Variants in GMDS observed in about 807,000 individuals in gnomAD.
GMDS encodes GDP-mannose 4,6-dehydratase.
Under a neutral mutation model 49.9 loss-of-function variants are expected in GMDS, and 20 were observed. That is an observed-to-expected ratio of 0.40 (90% CI 0.28 to 0.58). The LOEUF is 0.58. Ranked by LOEUF, GMDS falls within the 20% of genes least tolerant of loss-of-function variation. The probability of loss-of-function intolerance (pLI) is 0.42; values close to 1 mark genes in which losing one functional copy is unlikely to be tolerated. For missense variants in GMDS, 362 were observed against 481.4 expected, an observed-to-expected ratio of 0.75 and a Z score of 2.32; for synonymous variants, 177 against 178.6, an observed-to-expected ratio of 0.99 and a Z score of 0.07.
At chr6:1,695,783 A>C (rs7755553) in intron 9 of GMDS, among the ~76,000 whole-genome samples, 99,296 of 151,964 alleles carry the variant, frequency 0.65, 35,231 homozygotes, top group Middle Eastern at 0.82. Context: ...TTCCAGGCTC[A>C]AACTTAAGAG....
At chr6:1,892,817 T>A (rs1221137799) in intron 7 of GMDS, among the ~76,000 whole-genome samples, 1 of 152,218 alleles carries the variant, frequency 6.6e-6, no homozygotes, top group Non-Finnish European at 1.5e-5. Context: ...GAACAGCCAA[T>A]GCCTTGGCCT....
rs921836640 is a variant in GMDS, at chr6:2,047,300, C to T, written c.345+68471G>A. Among the ~76,000 whole-genome samples the T allele has an allele frequency of 3.3e-5, 5 of 152,118 alleles. No homozygotes were observed. The East Asian group carries it at 7.7e-4, about 23-fold the overall frequency. On this transcript the variant is annotated intron_variant, in intron 4 of 10. Transcript: ENST00000380815. ...GTGAGCACACAACTCTGGCAATATC[C>T]TTGTGAAGTGGATTCACCAATGTAA...
intron 7 of GMDS, among the ~76,000 whole-genome samples, chr6:1,853,093 C>G (rs181264341): frequency 6.6e-6 from 1 of 152,214 alleles, no homozygotes; most frequent in African/African-American, 2.4e-5. Context: ...GCAGGCAGGA[C>G]TTGCTAGGAG....
At chr6:2,190,180 G>C (rs1171085724) in intron 1 of GMDS, among the ~76,000 whole-genome samples, 1 of 152,104 alleles carries the variant, frequency 6.6e-6, no homozygotes, top group African/African-American at 2.4e-5. Context: ...GGAAAAAAGA[G>C]CAAATGTGGA....
intron 4 of GMDS, among the ~76,000 whole-genome samples, chr6:2,065,585 T>C (rs551206100): frequency 2.0e-5 from 3 of 152,296 alleles, no homozygotes; most frequent in South Asian, 4.1e-4. Flanking sequence ...AAGGAGCTGA[T>C]GGAGCTGAAA....
chr6:2,021,985 T>C (rs1768302476), intron 4 of GMDS, among the ~76,000 whole-genome samples: 1 of 152,146 alleles, frequency 6.6e-6, no homozygotes, highest in Admixed American at 6.5e-5. Flanking sequence ...GGCCTTTGTG[T>C]AATCCTAATA....
At chr6:2,059,332 T>C (rs1381389312) in intron 4 of GMDS, among the ~76,000 whole-genome samples, 6 of 152,012 alleles carry the variant, frequency 3.9e-5, no homozygotes, top group South Asian at 2.1e-4. Flanking sequence ...TTAGAAAATA[T>C]TTCACAGTTT....
At chr6:1,676,517 A>G (rs1029136752) in intron 9 of GMDS, among the ~76,000 whole-genome samples, 2 of 152,212 alleles carry the variant, frequency 1.3e-5, no homozygotes, top group Non-Finnish European at 2.9e-5. Context: ...GCATCACACT[A>G]CCTGACTTCA....
chr6:1,801,961 C>A (rs946214806), intron 7 of GMDS, among the ~76,000 whole-genome samples: 4 of 152,196 alleles, frequency 2.6e-5, no homozygotes, highest in African/African-American at 7.2e-5. Flanking sequence ...CGGCACTGGA[C>A]ACTATAATGT....
chr6:2,114,660 C>T (rs930517193), intron 4 of GMDS, among the ~76,000 whole-genome samples: 7 of 152,144 alleles, frequency 4.6e-5, no homozygotes, highest in African/African-American at 1.7e-4. Flanking sequence ...TATGAGGTAT[C>T]ATCATTCATC....
At chr6:1,899,757 C>A (rs1760402944) in intron 7 of GMDS, among the ~76,000 whole-genome samples, 1 of 152,160 alleles carries the variant, frequency 6.6e-6, no homozygotes, top group Non-Finnish European at 1.5e-5. Context: ...AGGAGTAGAG[C>A]AAAGAGAACA....
At chr6:1,951,703 T>C (rs191144129) in intron 6 of GMDS, among the ~76,000 whole-genome samples, 2 of 152,324 alleles carry the variant, frequency 1.3e-5, no homozygotes, top group Admixed American at 1.3e-4. Context: ...GCCTGATTTT[T>C]AATGTCTTTT....
intron 7 of GMDS, among the ~76,000 whole-genome samples, chr6:1,807,742 A>C (rs1282147238): frequency 6.6e-6 from 1 of 152,218 alleles, no homozygotes; most frequent in Non-Finnish European, 1.5e-5. Context: ...TCACACACAA[A>C]ATTAGTTAGC....
rs530911170 is a variant in GMDS at position 1,715,442 on chromosome 6, G to A, written c.987+10974C>T. On this transcript the variant is annotated intron_variant, in intron 9 of 10. Coordinates refer to ENST00000380815, the MANE Select transcript of GMDS (RefSeq NM_001500.4). ...TTATCCCCTGACAATGTGCCAGGTC[G>A]TCTTCAAGGCCCTCCGATGTCATTC... Among the ~76,000 whole-genome samples, 20 of 152,306 alleles carry A rather than the reference G, an allele frequency of 1.3e-4. No individual in the cohort carries two copies. The East Asian group carries it at 2.5e-3, about 19-fold the overall frequency.
At chr6:2,213,758 C>G (rs1780182855) in intron 1 of GMDS, among the ~76,000 whole-genome samples, 2 of 151,924 alleles carry the variant, frequency 1.3e-5, no homozygotes, top group Admixed American at 6.6e-5. Context: ...AATAGGAGGA[C>G]GAAGGCTAGA....
intron 4 of GMDS, among the ~76,000 whole-genome samples, chr6:2,039,468 T>A (rs571712725): frequency 1.9e-3 from 291 of 152,352 alleles, no homozygotes; most frequent in African/African-American, 6.5e-3. Context: ...TATTTTTAAT[T>A]TTTTGATTCC....
At chr6:1,829,240 G>A (rs767694450) in intron 7 of GMDS, among the ~76,000 whole-genome samples, 1 of 152,080 alleles carries the variant, frequency 6.6e-6, no homozygotes, top group Non-Finnish European at 1.5e-5. Context: ...TTGTTCAAGG[G>A]TTAACTGTGT....
chr6:2,228,795 C>T (rs1170381722), intron 1 of GMDS, among the ~76,000 whole-genome samples: 3 of 152,028 alleles, frequency 2.0e-5, no homozygotes, highest in Non-Finnish European at 4.4e-5. Context: ...CTTTTTGCCC[C>T]TGGAATTAGC....
intron 4 of GMDS, among the ~76,000 whole-genome samples, chr6:1,996,541 G>A (rs1003609459): frequency 6.6e-6 from 1 of 152,180 alleles, no homozygotes; most frequent in Admixed American, 6.5e-5. Flanking sequence ...AAGGGCTAGC[G>A]TAGTATCCTA....
Sources: allele counts gnomAD v4.1 joint callset (sites outside exome capture counted in the v4.1 genomes callset), GRCh38; gene constraint gnomAD v4.1.1; transcripts MANE v1.5; gene names NCBI Gene and HGNC (gene_info 2026-07-23, HGNC 2026-07-21).